The following LY9 variants were observed in gnomAD, a reference collection of about 807,000 sequenced individuals.
The protein encoded by LY9 is lymphocyte antigen 9, also known as T-lymphocyte surface antigen Ly-9.
In LY9, 59 loss-of-function variants were observed where a neutral mutation model predicts 64.6. The ratio of observed to expected loss-of-function variants is 0.91; its 90% CI spans 0.74 to 1.13. The LOEUF is 1.13. LY9 is among the 50% of genes most tolerant of loss of function. The probability of loss-of-function intolerance (pLI) is 0.00; values close to 1 mark genes in which losing one functional copy is unlikely to be tolerated. For synonymous variants in LY9, 281 were observed against 308.5 expected (o/e 0.91, Z 0.93); for missense variants, 789 against 797.2 (o/e 0.99, Z 0.12).
chr1:160,798,104 T>C (rs1666069468), intron 1 of LY9, among the ~76,000 whole-genome samples: 1 of 152,228 alleles, frequency 6.6e-6, no homozygotes, highest in African/African-American at 2.4e-5. Context: ...CACTGTCTTC[T>C]GCAACAAGAT....
chr1:160,823,903 G>C lies in LY9; in HGVS notation c.1830+107G>C, dbSNP rs567983334. ...ACTGGGGGCTGGGGCCTGGAAACAG[G>C]ACTAGGGGCATACGGGCAGGGACTC... On this transcript the variant is annotated intron_variant, in intron 8 of 9. Coordinates refer to ENST00000263285, the MANE Select transcript of LY9 (RefSeq NM_002348.4). 9.0e-5 allele frequency: 84 copies of C among 935,832 alleles called. No individual in the cohort carries two copies. The Admixed American group carries it at 1.2e-3, about 14-fold the overall frequency. 58.0% of individuals were successfully genotyped at this position (935,832 alleles called of 1,614,324 possible). A position where few individuals can be genotyped will look rare whatever the true frequency, so the allele number is the denominator to read the frequency against.
At chr1:160,800,890 C>T (rs1178000500) in intron 2 of LY9, among the ~76,000 whole-genome samples, 1 of 152,170 alleles carries the variant, frequency 6.6e-6, no homozygotes, top group Admixed American at 6.5e-5. Flanking sequence ...TCTTTTGTGG[C>T]TGATTAGTAT....
In LY9 at chr1:160,813,867, G is replaced by A. The variant is rs1455595654; in HGVS notation, c.686G>A (p.Ser229Asn). The A allele has an allele frequency of 9.3e-6, 15 of 1,614,062 alleles. No individual in the cohort carries two copies. In the East Asian group the frequency reaches 2.5e-4, roughly 26 times the overall value. Residue 229 changes from serine (S) to asparagine (N), a missense_variant, in exon 3 of 10, where the codon AGC (serine) becomes AAC (asparagine). Transcript: ENST00000263285. ...ATCTGCACAGCCCAGAACCCCGTCA[G>A]CCAGAGAAGCTCCCTCCCTGTCCAT... ...PYICTAQNPV[S>N]QRSSLPVHVG...
chr1:160,802,081 C>T, intron 2 of LY9: 1 of 1,388,218 alleles, frequency 7.2e-7, no homozygotes, highest in Non-Finnish European at 9.3e-7. Flanking sequence ...CACCCGCCGC[C>T]TCCCATGGCA....
chr1:160,824,945 A>G (rs370625296), intron 9 of LY9, among the ~76,000 whole-genome samples: 3 of 141,872 alleles, frequency 2.1e-5, no homozygotes, highest in East Asian at 2.0e-4. Flanking sequence ...GTGCCACTGC[A>G]CTCCAGCCTG....
chr1:160,817,015 G>C, intron 5 of LY9, 152 bp downstream of exon 5: 1 of 675,438 alleles, frequency 1.5e-6, no homozygotes, highest in Non-Finnish European at 2.5e-6. Context: ...AGTCACGCAT[G>C]TGATTTTAAT....
intron 2 of LY9, chr1:160,801,870 A>C (rs1454754715): frequency 6.2e-7 from 1 of 1,614,024 alleles, no homozygotes; most frequent in African/African-American, 1.3e-5. Context: ...CCTGGAGTCC[A>C]TCATCAGCAC....
At chr1:160,819,222 C>A in intron 6 of LY9, 99 bp from the exon 7 acceptor site, 2 of 909,838 alleles carry the variant, frequency 2.2e-6, no homozygotes, top group Non-Finnish European at 3.7e-6. Context: ...CTGTCTATGT[C>A]CCAGAAGTCT....
chr1:160,819,845 AAGGAAGGAAGGGAGGG>A (rs1342296860), intron 7 of LY9, among the ~76,000 whole-genome samples: 12 of 92,156 alleles, frequency 1.3e-4, no homozygotes, highest in Admixed American at 3.4e-4. Context: ...GAAAGGAAGG[AAGGAAGGAAGGGAGGG>A]AGGGAGGGAG....
Position 160,796,269 on chromosome 1 carries a change from T to C in LY9, c.82T>C (p.Phe28Leu). ...SKPQRSQLQI[F>L]SSVLQTSLLF... ...GCCACAGAGGAGTCAGCTGCAAATA[T>C]TCTCTTCTGTTCTACAGACCTCTCT... The change falls in exon 1 of 10, where the codon TTC becomes CTC. Residue 28 changes from phenylalanine to leucine, a missense_variant. Phe to Leu is a conservative substitution (Grantham distance 22). Transcript: ENST00000263285. The C allele has an allele frequency of 6.2e-7, 1 of 1,613,822 alleles. No homozygotes were observed. Among genetic ancestry groups the C allele is most frequent in the Non-Finnish European group, 8.5e-7 (1 of 1,179,962 alleles).
intron 7 of LY9, among the ~76,000 whole-genome samples, chr1:160,822,064 A>G (rs1371602819): frequency 6.6e-6 from 1 of 152,244 alleles, no homozygotes; most frequent in East Asian, 1.9e-4. Flanking sequence ...CACTTACTAA[A>G]TATGAGCATC....
chr1:160,814,098 A>C (rs897499788), intron 3 of LY9, among the ~76,000 whole-genome samples, 187 bp downstream of exon 3: 28 of 152,188 alleles, frequency 1.8e-4, no homozygotes, highest in African/African-American at 5.1e-4. Flanking sequence ...AGCCCAGAAC[A>C]CTGTGATACT....
chr1:160,824,335 C>T, intron 9 of LY9, 86 bp downstream of exon 9: 16 of 1,578,856 alleles, frequency 1.0e-5, no homozygotes, highest in Non-Finnish European at 1.4e-5. Context: ...ATCCGAGATT[C>T]CCATGGCTAA....
chr1:160,814,433 C>T lies in LY9; in HGVS notation c.744C>T (p.Ser248=). 1.9e-6 allele frequency: 3 copies of T among 1,610,532 alleles called. No homozygotes were observed. Among genetic ancestry groups the T allele is most frequent in the Non-Finnish European group, 2.5e-6 (3 of 1,177,954 alleles). The change falls in exon 4 of 10, where the codon TCC becomes TCT. Residue 248 remains serine (S), a synonymous_variant. Coordinates refer to ENST00000263285, the MANE Select transcript of LY9 (RefSeq NM_002348.4). The part of the protein sequence containing the change: ...VGQFCTDPGA[S]RGGTTGETVV... ...CTGTGACCCCAGATCCAGGAGCCTCCAGAGGAGGAACAACGGGGGAGACTG... is the reference window on the plus strand; with the variant it reads ...CTGTGACCCCAGATCCAGGAGCCTCTAGAGGAGGAACAACGGGGGAGACTG...
intron 2 of LY9, among the ~76,000 whole-genome samples, chr1:160,805,736 C>T (rs1666914202): frequency 7.7e-6 from 1 of 130,346 alleles, no homozygotes; most frequent in African/African-American, 3.0e-5. Flanking sequence ...CTCTCTCTCT[C>T]TGTCTCACAC....
intron 2 of LY9, chr1:160,812,690 T>C (rs1039266646): frequency 8.5e-5 from 13 of 152,248 alleles, no homozygotes; most frequent in African/African-American, 2.7e-4. Flanking sequence ...ATAGTAATTC[T>C]TGGGGAGATG....
In LY9 at chr1:160,802,831, G is replaced by A. The variant is rs148412814; in HGVS notation, c.454+2749G>A. On this transcript the variant is annotated intron_variant, in intron 2 of 9. Transcript: ENST00000263285. ...CTGTGTTCTCTATTCTGTTCCATTGGTCTATGTGTCTATTTTTATAACACC... is the reference window on the plus strand; with the variant it reads ...CTGTGTTCTCTATTCTGTTCCATTGATCTATGTGTCTATTTTTATAACACC... 1,065 of 229,406 alleles carry A rather than the reference G, an allele frequency of 4.6e-3. 10 individuals carry two copies. The highest frequency in any genetic ancestry group is 0.023 in the African/African-American group (983 of 42,680). The allele number at this position is 229,406 out of a possible 1,614,324, so 14.2% of individuals were successfully genotyped here.
chr1:160,809,427 A>G (rs1667290081), intron 2 of LY9, among the ~76,000 whole-genome samples: 1 of 151,640 alleles, frequency 6.6e-6, no homozygotes, highest in Non-Finnish European at 1.5e-5. Context: ...CTAGTCGCAA[A>G]CTCCTGGACT....
intron 1 of LY9, chr1:160,797,128 A>G: frequency 1.0e-6 from 1 of 985,564 alleles, no homozygotes; most frequent in Non-Finnish European, 1.2e-6. Flanking sequence ...CCTGGGAAAC[A>G]TCTCTCCGCT....
Sources: gnomAD v4.1 joint callset for allele counts (sites outside exome capture counted in the v4.1 genomes callset) on GRCh38, gnomAD v4.1.1 for gene constraint, MANE v1.5 for transcripts, NCBI Gene and HGNC (gene_info 2026-07-23, HGNC 2026-07-21) for gene names.